FAM53A: variants seen among roughly 807,000 people sequenced by gnomAD.
FAM53A encodes protein FAM53A.
In FAM53A, 28 loss-of-function variants were observed where a neutral mutation model predicts 26.6. The observed-to-expected ratio is 1.05, with a 90% CI of 0.78 to 1.45. The LOEUF is 1.45. Among genes scored for constraint, FAM53A ranks in the 40% most tolerant of loss-of-function variants. The pLI is 0.00. For synonymous variants in FAM53A, 290 were observed against 253.1 expected, an observed-to-expected ratio of 1.15 and a Z score of -1.38; for missense variants, 650 against 575.8, an observed-to-expected ratio of 1.13 and a Z score of -1.32.
chr4:1,658,955 A>C (rs560381666), intron 2 of FAM53A, among the ~76,000 whole-genome samples: 1 of 152,294 alleles, frequency 6.6e-6, no homozygotes, highest in African/African-American at 2.4e-5. Flanking sequence ...CCTCTGCCAC[A>C]CCTCAGAACC....
the FAM53A span, among the ~76,000 whole-genome samples, chr4:1,585,649 G>T: frequency 6.6e-6 from 1 of 152,154 alleles, no homozygotes; most frequent in African/African-American, 2.4e-5. Flanking sequence ...GGATCACGCA[G>T]TATTTGTCTT....
the FAM53A span, among the ~76,000 whole-genome samples, chr4:1,598,261 G>A: frequency 6.6e-6 from 1 of 152,360 alleles, no homozygotes; most frequent in South Asian, 2.1e-4. Flanking sequence ...ACAGCGGACT[G>A]CCTGCTCTGA....
At chr4:1,621,268 T>G (rs1342619064) in intron 1 of FAM53A, among the ~76,000 whole-genome samples, 2 of 151,926 alleles carry the variant, frequency 1.3e-5, no homozygotes. Flanking sequence ...CTCACCCGGC[T>G]AATTTTTTGT....
chr4:1,623,926 C>A (rs1381593558), intron 1 of FAM53A, among the ~76,000 whole-genome samples: 1 of 152,174 alleles, frequency 6.6e-6, no homozygotes, highest in Non-Finnish European at 1.5e-5. Context: ...GGCACAGCCC[C>A]CAGGCCAGGA....
chr4:1,675,736 C>G (rs945503082), intron 1 of FAM53A, among the ~76,000 whole-genome samples: 10 of 152,188 alleles, frequency 6.6e-5, no homozygotes, highest in Non-Finnish European at 1.2e-4. Flanking sequence ...AATGCTCTGG[C>G]CCCCAGAAAC....
In FAM53A at chr4:1,655,002, G is replaced by C. The variant is rs1209297447; in HGVS notation, c.858C>G (p.Ser286=). ...REEDARWTRP[S]LDFLKMTQTL... ...CCTGGGTCATTTTCAGGAAGTCCAA[G>C]GATGGGCGTGTCCACCTGGCGTCCT... is the stretch of plus-strand genomic sequence containing the variant. The change falls in exon 4 of 5, where the codon TCC becomes TCG. Residue 286 remains serine (S), a synonymous_variant. Transcript: ENST00000308132. 1 of 1,539,848 alleles carries C rather than the reference G, an allele frequency of 6.5e-7. No individual in the cohort carries two copies. Among genetic ancestry groups the C allele is most frequent in the South Asian group, 1.3e-5 (1 of 79,692 alleles).
intron 1 of FAM53A, among the ~76,000 whole-genome samples, chr4:1,629,587 G>A (rs533217723): frequency 6.6e-5 from 10 of 152,270 alleles, no homozygotes; most frequent in South Asian, 2.1e-4. Flanking sequence ...GTGGCTGCCC[G>A]CACGGGTCCT....
chr4:1,666,043 AATCTGC>A (rs1163887119), intron 2 of FAM53A, among the ~76,000 whole-genome samples: 1 of 68,848 alleles, frequency 1.5e-5, no homozygotes, highest in African/African-American at 5.5e-5. Context: ...TCTAAAATAA[AATCTGC>A]ACCTGCACCC....
At chr4:1,610,464 G>T in the FAM53A span, among the ~76,000 whole-genome samples, 1 of 152,206 alleles carries the variant, frequency 6.6e-6, no homozygotes, top group Non-Finnish European at 1.5e-5. Flanking sequence ...AAGGTCTGTG[G>T]AGATGGTGAC....
rs543057371 is a variant in FAM53A, at chr4:1,670,953, C to G, written c.-164-2048G>C. On this transcript the variant is annotated intron_variant, in intron 1 of 4. Coordinates refer to ENST00000308132, the MANE Select transcript of FAM53A (RefSeq NM_001174070.3). ...ACTCACCTCTGTCCCAGCGTCAGAGCCCCCAGCTCACAGCCACAGCCACGG... is the reference window on the plus strand; with the variant it reads ...ACTCACCTCTGTCCCAGCGTCAGAGGCCCCAGCTCACAGCCACAGCCACGG... 6.3e-4 allele frequency among the ~76,000 whole-genome samples: 94 copies of G among 149,234 alleles called. 2 individuals are homozygous for G. In the South Asian group the frequency reaches 0.018, roughly 29 times the overall value.
At chr4:1,645,401 G>A (rs984829655) in intron 4 of FAM53A, among the ~76,000 whole-genome samples, 23 of 152,366 alleles carry the variant, frequency 1.5e-4, no homozygotes, top group Non-Finnish European at 2.9e-4. Flanking sequence ...GGAAAGTACG[G>A]ACTGGAGCAT....
the FAM53A span, among the ~76,000 whole-genome samples, chr4:1,603,355 G>A: frequency 1.3e-5 from 2 of 152,212 alleles, no homozygotes; most frequent in Non-Finnish European, 2.9e-5. Flanking sequence ...CCTGAGGGGC[G>A]AGACGGCTCC....
rs763696115 is a variant in FAM53A, at chr4:1,641,598, T to A, written c.892A>T (p.Asn298Tyr). ...TTGAGGGAGCAAAGGCTTTTTGAAT[T>A]TTTTAAAGTCTGCAATAGAAAAGAT... ...DFLKMTQTLK[N>Y]SKSLCSLNYE... The change falls in exon 5 of 5, where the codon AAT (asparagine) becomes TAT (tyrosine). Residue 298 changes from asparagine to tyrosine, a missense_variant. Transcript: ENST00000308132. 5 of 1,614,114 alleles carry A rather than the reference T, an allele frequency of 3.1e-6. No individual in the cohort carries two copies. The highest frequency in any genetic ancestry group is 4.2e-6 in the Non-Finnish European group (5 of 1,179,974).
At chr4:1,586,129 G>A in the FAM53A span, among the ~76,000 whole-genome samples, 2 of 152,108 alleles carry the variant, frequency 1.3e-5, no homozygotes, top group Admixed American at 6.5e-5. Context: ...TTGATTCCAT[G>A]TCTTGGCTGT....
At chr4:1,605,018 G>A in the FAM53A span, among the ~76,000 whole-genome samples, 1 of 152,108 alleles carries the variant, frequency 6.6e-6, no homozygotes. This position sits in a 1 kb window ranked among gnomAD's most constrained non-coding sequence, Gnocchi z 5.7. Context: ...ACACCTGCCT[G>A]CTGGCATCTG....
the FAM53A span, among the ~76,000 whole-genome samples, chr4:1,606,812 G>A: frequency 3.3e-5 from 5 of 152,224 alleles, no homozygotes; most frequent in Admixed American, 2.6e-4. Flanking sequence ...CTGTGAATGC[G>A]GGTGCAGCTG....
the FAM53A span, among the ~76,000 whole-genome samples, chr4:1,577,957 G>A: frequency 6.6e-6 from 1 of 151,538 alleles, no homozygotes; most frequent in African/African-American, 2.4e-5. Flanking sequence ...GGCTGTGGGG[G>A]TGCTGCCCGG....
the FAM53A span, among the ~76,000 whole-genome samples, chr4:1,580,605 C>T: frequency 6.7e-6 from 1 of 149,900 alleles, no homozygotes; most frequent in African/African-American, 2.5e-5. Flanking sequence ...CACCTCCCGC[C>T]TAGGCCCTGC....
the FAM53A span, among the ~76,000 whole-genome samples, chr4:1,584,295 G>A: frequency 6.6e-6 from 1 of 152,144 alleles, no homozygotes; most frequent in Non-Finnish European, 1.5e-5. Context: ...TCTCCTATGA[G>A]CCTACAGCTT....
Sources: gnomAD v4.1 joint callset for allele counts (sites outside exome capture counted in the v4.1 genomes callset) on GRCh38, gnomAD v4.1.1 for gene constraint, Gnocchi (gnomAD v3.1) non-coding constraint, MANE v1.5 for transcripts, NCBI Gene and HGNC (gene_info 2026-07-23, HGNC 2026-07-21) for gene names.